The following CACNA1B variants were observed in gnomAD, a reference collection of about 807,000 sequenced individuals.
CACNA1B encodes the protein voltage-dependent N-type calcium channel subunit alpha-1B.
A neutral mutation model predicts 247.2 loss-of-function variants in CACNA1B; 70 were observed. The ratio of observed to expected loss-of-function variants is 0.28; its 90% CI spans 0.23 to 0.35. The LOEUF (loss-of-function observed/expected upper bound fraction) is 0.35, where lower values mean the gene tolerates loss of function less well. Ranked by LOEUF, CACNA1B falls within the 10% of genes least tolerant of loss-of-function variation. The probability of loss-of-function intolerance (pLI) is 1.00; values close to 1 mark genes in which losing one functional copy is unlikely to be tolerated. For synonymous variants in CACNA1B, 1,231 were observed against 1,294.4 expected (o/e 0.95, Z 1.05); for missense variants, 2,367 against 3,197.4 (o/e 0.74, Z 6.26).
intron 34 of CACNA1B, among the ~76,000 whole-genome samples, chr9:138,074,389 T>A (rs914009664): frequency 6.6e-6 from 1 of 152,100 alleles, no homozygotes; most frequent in Non-Finnish European, 1.5e-5. Context: ...TATAGATGTG[T>A]GCCACCACGC....
chr9:137,948,922 CTCTG>C (rs1049312460), intron 6 of CACNA1B, among the ~76,000 whole-genome samples: 1 of 106,652 alleles, frequency 9.4e-6, no homozygotes, highest in Non-Finnish European at 1.9e-5. Flanking sequence ...TTTGTGGTGT[CTCTG>C]TGGTGTGTTT....
intron 21 of CACNA1B, among the ~76,000 whole-genome samples, chr9:138,044,492 A>G (rs1425693547): frequency 6.6e-6 from 1 of 152,266 alleles, no homozygotes; most frequent in Non-Finnish European, 1.5e-5. Flanking sequence ...TAAAAGACAT[A>G]AGATGCAGAT....
intron 3 of CACNA1B, among the ~76,000 whole-genome samples, chr9:137,912,671 A>G (rs944860288): frequency 2.0e-5 from 3 of 151,958 alleles, no homozygotes; most frequent in African/African-American, 7.3e-5. Flanking sequence ...CCTTTCCAAT[A>G]CCCCACTTCC....
At chr9:138,032,910 A>G (rs573154027) in intron 20 of CACNA1B, 1 of 304,130 alleles carries the variant, frequency 3.3e-6, no homozygotes, top group East Asian at 1.1e-4. Context: ...TTGAATTTGT[A>G]GGTTTATATC....
intron 10 of CACNA1B, among the ~76,000 whole-genome samples, chr9:137,964,409 T>C (rs1958052893): frequency 6.6e-6 from 1 of 152,210 alleles, no homozygotes; most frequent in African/African-American, 2.4e-5. Flanking sequence ...TTTTTCTCTG[T>C]TTTTGTCTGC....
intron 20 of CACNA1B, among the ~76,000 whole-genome samples, chr9:138,028,782 A>G (rs979189456): frequency 6.6e-6 from 1 of 152,212 alleles, no homozygotes; most frequent in African/African-American, 2.4e-5. Context: ...TGGTTGACAC[A>G]GCTGAGTTCT....
chr9:138,023,154 A>T lies in CACNA1B; in HGVS notation c.2411A>T (p.His804Leu), dbSNP rs1958870873. The change falls in exon 19 of 47, where the codon CAC (histidine) becomes CTC (leucine). Residue 804 changes from histidine (H) to leucine (L), a missense_variant. Transcript: ENST00000371372. ...CGGCTGCGCTTCGCCACTACGCGCC[A>T]CCTGCGGCCCGACATGAAGACGCAC... ...EERLRFATTR[H>L]LRPDMKTHLD... 1 of 1,535,742 alleles carries T rather than the reference A, an allele frequency of 6.5e-7. No individual in the cohort carries two copies.
chr9:138,028,744 T>C (rs1958952013), intron 20 of CACNA1B, among the ~76,000 whole-genome samples: 1 of 152,210 alleles, frequency 6.6e-6, no homozygotes, highest in South Asian at 2.1e-4. Context: ...TTTATGCAAA[T>C]GAAGGATTCA....
rs1228264066 is a variant in CACNA1B at position 138,058,767 on chromosome 9, G to A, written c.4473+34G>A. 58 of 1,566,030 alleles carry A rather than the reference G, an allele frequency of 3.7e-5. No individual in the cohort carries two copies. Among genetic ancestry groups the A allele is most frequent in the Admixed American group, 1.1e-4 (6 of 53,016 alleles). The stretch of plus-strand genomic sequence containing the variant: ...GGCTCAGCGCAGAGGGGCAGCTGGC[G>A]CTGCTAGGGATTGGGATCTAACCCT... On this transcript the variant is annotated intron_variant, in intron 29 of 46. Coordinates refer to ENST00000371372, the MANE Select transcript of CACNA1B (RefSeq NM_000718.4). The surrounding 1 kb of genome is among the most constrained non-coding windows in gnomAD (Gnocchi z 4.7).
chr9:138,047,141 G>T, intron 22 of CACNA1B, 108 bp downstream of exon 22: 1 of 1,045,508 alleles, frequency 9.6e-7, no homozygotes, highest in Non-Finnish European at 1.4e-6. Context: ...TCGTCTCACA[G>T]GGCACCCCTC....
chr9:137,949,960 T>C (rs1957860558), intron 6 of CACNA1B, among the ~76,000 whole-genome samples: 1 of 152,170 alleles, frequency 6.6e-6, no homozygotes, highest in African/African-American at 2.4e-5. Context: ...GGTGCTCTTC[T>C]TGGTTCTTAG....
chr9:137,975,028 C>T (rs1958201999), intron 11 of CACNA1B, among the ~76,000 whole-genome samples: 1 of 152,146 alleles, frequency 6.6e-6, no homozygotes, highest in Non-Finnish European at 1.5e-5. Flanking sequence ...CCTCGCTGGG[C>T]CTCCTGCTGC....
In CACNA1B at chr9:138,101,000, G is replaced by A. The variant is rs529998614; in HGVS notation, c.5223-1711G>A. 3.8e-5 allele frequency: 17 copies of A among 444,214 alleles called. No homozygotes were observed. Among genetic ancestry groups the A allele is most frequent in the South Asian group, 1.3e-4 (8 of 60,344 alleles). 27.5% of individuals were successfully genotyped at this position (444,214 alleles called of 1,614,324 possible). On this transcript the variant is annotated intron_variant, in intron 37 of 46. Transcript: ENST00000371372. The surrounding 1 kb of genome is among the most constrained non-coding windows in gnomAD (Gnocchi z 4.6). Reference sequence around the variant, plus strand: ...GTCCAGTGCACCCCTCACCTCCGCCGCCACGCCTGCGCGAGGTCGGTCTTC... The same window carrying A: ...GTCCAGTGCACCCCTCACCTCCGCCACCACGCCTGCGCGAGGTCGGTCTTC...
intron 6 of CACNA1B, among the ~76,000 whole-genome samples, chr9:137,926,560 T>A: frequency 6.6e-6 from 1 of 152,326 alleles, no homozygotes; most frequent in African/African-American, 2.4e-5. Context: ...GAAGTGGAAT[T>A]GAGGGATCAT....
chr9:138,044,813 T>C (rs989602621), intron 21 of CACNA1B, among the ~76,000 whole-genome samples: 1 of 152,244 alleles, frequency 6.6e-6, no homozygotes, highest in Middle Eastern at 3.2e-3. Context: ...AGCCCTGCAT[T>C]ACCCCGCTCC....
intron 3 of CACNA1B, among the ~76,000 whole-genome samples, chr9:137,886,927 C>T (rs868466210): frequency 2.1e-4 from 32 of 151,980 alleles, no homozygotes; most frequent in African/African-American, 7.2e-4. Flanking sequence ...AGCCATCTAG[C>T]AGCCTGGGAA....
At chr9:137,978,537 G>T (rs1235490541) in intron 12 of CACNA1B, among the ~76,000 whole-genome samples, 2 of 152,168 alleles carry the variant, frequency 1.3e-5, no homozygotes, top group Non-Finnish European at 2.9e-5. Context: ...CCTCAGGAAG[G>T]AGTGGGGAGT....
At chr9:137,926,868 G>A (rs923523604) in intron 6 of CACNA1B, among the ~76,000 whole-genome samples, 4 of 152,156 alleles carry the variant, frequency 2.6e-5, no homozygotes, top group African/African-American at 9.7e-5. Context: ...GGAGTTCCTT[G>A]CCCATTTTTG....
At position 137,917,588 on chromosome 9, in the gene CACNA1B, G is replaced by A. The variant is rs1021649582; in HGVS notation, c.966+157G>A. Among the ~76,000 whole-genome samples the A allele has an allele frequency of 1.3e-5, 2 of 152,144 alleles. No homozygotes were observed. Among genetic ancestry groups the A allele is most frequent in the Non-Finnish European group, 2.9e-5 (2 of 68,012 alleles). The stretch of plus-strand genomic sequence containing the variant: ...CTAGGATGAAATGCAGGCTCTTTCC[G>A]GCAGACGCCCCACCCAAGGGTCCAC... On this transcript the variant is annotated intron_variant, in intron 6 of 46. Coordinates refer to ENST00000371372, the MANE Select transcript of CACNA1B (RefSeq NM_000718.4). The surrounding 1 kb of genome is among the most constrained non-coding windows in gnomAD (Gnocchi z 5.5).
Sources: allele counts gnomAD v4.1 joint callset (sites outside exome capture counted in the v4.1 genomes callset), GRCh38; gene constraint gnomAD v4.1.1; non-coding constraint Gnocchi (gnomAD v3.1); transcripts MANE v1.5; gene names NCBI Gene and HGNC (gene_info 2026-07-23, HGNC 2026-07-21).